Variants in UHRF2 observed in about 807,000 individuals in gnomAD.
UHRF2 encodes E3 ubiquitin-protein ligase UHRF2.
In UHRF2, 23 loss-of-function variants were observed where a neutral mutation model predicts 96.8. That is an observed-to-expected ratio of 0.24 (90% CI 0.17 to 0.34). The LOEUF is 0.34. Ranked by LOEUF, UHRF2 falls within the 10% of genes least tolerant of loss-of-function variation. The pLI is 1.00. For missense variants in UHRF2, 685 were observed against 981.5 expected, an observed-to-expected ratio of 0.70 and a Z score of 4.04; for synonymous variants, 385 against 332.6, an observed-to-expected ratio of 1.16 and a Z score of -1.72.
At chr9:6,476,402 C>T (rs929081130) in intron 5 of UHRF2, among the ~76,000 whole-genome samples, 2 of 152,092 alleles carry the variant, frequency 1.3e-5, no homozygotes, top group Non-Finnish European at 2.9e-5. Flanking sequence ...CGAGTAAAGC[C>T]TTAGAATTAT....
At chr9:6,495,029 T>A (rs1824879486) in intron 10 of UHRF2, 1 of 152,234 alleles carries the variant, frequency 6.6e-6, no homozygotes, top group South Asian at 2.1e-4. Flanking sequence ...GAAGAGTGTC[T>A]TAAAATAAAT....
intron 6 of UHRF2, among the ~76,000 whole-genome samples, chr9:6,479,647 T>C (rs1367757590): frequency 6.6e-6 from 1 of 152,216 alleles, no homozygotes; most frequent in Non-Finnish European, 1.5e-5. Context: ...GTTAGTTGAC[T>C]GGGACCACAA....
chr9:6,479,548 T>A (rs928552019), intron 6 of UHRF2, among the ~76,000 whole-genome samples: 1 of 152,130 alleles, frequency 6.6e-6, no homozygotes, highest in African/African-American at 2.4e-5. Context: ...TCTCGTCCAA[T>A]TATGAGATGT....
At chr9:6,452,142 T>C (rs1222472434) in intron 3 of UHRF2, among the ~76,000 whole-genome samples, 1 of 152,178 alleles carries the variant, frequency 6.6e-6, no homozygotes. Context: ...CTCATTTCTT[T>C]TTTATAGGAG....
intron 4 of UHRF2, among the ~76,000 whole-genome samples, chr9:6,466,309 G>A (rs899214801): frequency 2.0e-5 from 3 of 151,948 alleles, no homozygotes; most frequent in Non-Finnish European, 2.9e-5. Context: ...AGGCTGAGGC[G>A]GACGGATCAC....
At chr9:6,444,230 C>A (rs1821355571) in intron 3 of UHRF2, among the ~76,000 whole-genome samples, 1 of 152,180 alleles carries the variant, frequency 6.6e-6, no homozygotes, top group Non-Finnish European at 1.5e-5. Flanking sequence ...AATAACCTGT[C>A]TGCTCTATTG....
chr9:6,413,743 G>GGCTCACCTGGCTCCGCTGCGGGCACAGA lies in UHRF2; in HGVS notation c.153+122_153+123insCACAGAGCTCACCTGGCTCCGCTGCGGG, dbSNP rs1289168634. ...AGGGCTCTGTGCGCCGCGCGCGCAG[G>GGCTCACCTGGCTCCGCTGCGGGCACAGA]GCTCACCTGGCTCCGCTGCGGGTGG... On this transcript the variant is annotated intron_variant, in intron 1 of 15. Transcript: ENST00000276893. 1.2e-5 allele frequency: 15 copies of GGCTCACCTGGCTCCGCTGCGGGCACAGA among 1,280,726 alleles called. No homozygotes were observed. The African/African-American group carries it at 2.4e-4, about 20-fold the overall frequency. The allele number at this position is 1,280,726 out of a possible 1,614,324, so 79.3% of individuals were successfully genotyped here.
At chr9:6,457,987 G>T (rs948486831) in intron 3 of UHRF2, among the ~76,000 whole-genome samples, 1 of 152,114 alleles carries the variant, frequency 6.6e-6, no homozygotes, top group African/African-American at 2.4e-5. Flanking sequence ...TTGTGTCTCT[G>T]CCAGGTTTTG....
intron 4 of UHRF2, among the ~76,000 whole-genome samples, chr9:6,462,960 G>A (rs1373345089): frequency 3.3e-5 from 5 of 151,166 alleles, no homozygotes; most frequent in Non-Finnish European, 7.4e-5. Flanking sequence ...AGTTAAGAGT[G>A]GGAACACACT....
chr9:6,451,707 G>A (rs551475549), intron 3 of UHRF2, among the ~76,000 whole-genome samples: 3 of 151,972 alleles, frequency 2.0e-5, no homozygotes, highest in African/African-American at 4.8e-5. Flanking sequence ...TCCTGACCTC[G>A]TGATCCGCCT....
chr9:6,473,657 A>G (rs141290225), intron 4 of UHRF2, among the ~76,000 whole-genome samples: 80 of 152,294 alleles, frequency 5.3e-4, no homozygotes, highest in African/African-American at 1.9e-3. Context: ...GGAGTTGGCA[A>G]TATTTTTCTT....
At chr9:6,498,193 C>A in intron 12 of UHRF2, 35 bp downstream of exon 12, 2 of 1,600,494 alleles carry the variant, frequency 1.2e-6, no homozygotes, top group South Asian at 2.2e-5. Context: ...CCTGTGTGTT[C>A]ATAAAAATAT....
intron 7 of UHRF2, 92 bp downstream of exon 7, chr9:6,481,858 A>G (rs988011151): frequency 6.5e-7 from 1 of 1,541,458 alleles, no homozygotes; most frequent in African/African-American, 1.4e-5. Context: ...AAGATTAAAC[A>G]GTATCATTAT....
intron 3 of UHRF2, among the ~76,000 whole-genome samples, chr9:6,438,779 AT>A (rs1820996499): frequency 6.6e-6 from 1 of 152,216 alleles, no homozygotes; most frequent in South Asian, 2.1e-4. Flanking sequence ...AGTCTTTGAA[AT>A]GAAGCTTCAT....
intron 1 of UHRF2, chr9:6,415,441 C>G (rs74692754): frequency 6.6e-6 from 1 of 152,312 alleles, no homozygotes; most frequent in East Asian, 1.9e-4. Flanking sequence ...TGTTCACTTT[C>G]TTATGCGCTG....
At chr9:6,462,715 G>A (rs183154405) in intron 4 of UHRF2, among the ~76,000 whole-genome samples, 98 of 151,820 alleles carry the variant, frequency 6.5e-4, no homozygotes, top group African/African-American at 2.1e-3. Flanking sequence ...TCAGGAGTTC[G>A]AGACCAGCCT....
At chr9:6,484,436 T>C (rs1483090540) in intron 8 of UHRF2, among the ~76,000 whole-genome samples, 4 of 124,408 alleles carry the variant, frequency 3.2e-5, no homozygotes. Flanking sequence ...CTCCTGTCTC[T>C]TCCCTCCTCC....
At chr9:6,450,700 A>C (rs1267978687) in intron 3 of UHRF2, among the ~76,000 whole-genome samples, 1 of 152,072 alleles carries the variant, frequency 6.6e-6, no homozygotes, top group Admixed American at 6.5e-5. Context: ...CCTATTTTTA[A>C]CCTATCCCAG....
At chr9:6,421,550 G>T (rs1819930413) in intron 2 of UHRF2, among the ~76,000 whole-genome samples, 1 of 152,088 alleles carries the variant, frequency 6.6e-6, no homozygotes, top group African/African-American at 2.4e-5. Context: ...CTGATTAGCT[G>T]GGATTACAGA....
Sources: allele counts gnomAD v4.1 joint callset (sites outside exome capture counted in the v4.1 genomes callset), GRCh38; gene constraint gnomAD v4.1.1; transcripts MANE v1.5; gene names NCBI Gene and HGNC (gene_info 2026-07-23, HGNC 2026-07-21).